GUCY1B1: variants seen among roughly 807,000 people sequenced by gnomAD.
The protein encoded by GUCY1B1 is guanylate cyclase soluble subunit beta-1.
In GUCY1B1, 43 loss-of-function variants were observed where a neutral mutation model predicts 71.0. The ratio of observed to expected loss-of-function variants is 0.61; its 90% CI spans 0.47 to 0.78. GUCY1B1 has a LOEUF of 0.78. GUCY1B1 is among the 30% of genes least tolerant of loss of function. GUCY1B1 has a pLI of 0.00. For synonymous variants in GUCY1B1, 266 were observed against 259.7 expected (o/e 1.02, Z -0.23); for missense variants, 535 against 754.1 (o/e 0.71, Z 3.40).
intron 13 of GUCY1B1, 88 bp from the exon 14 acceptor site, chr4:155,806,298 C>T: frequency 1.2e-6 from 1 of 826,028 alleles, no homozygotes; most frequent in South Asian, 1.6e-5. Context: ...GTGGATCACA[C>T]TCTCATAAAG....
At chr4:155,778,725 G>T (rs995032344) in intron 4 of GUCY1B1, among the ~76,000 whole-genome samples, 2 of 152,176 alleles carry the variant, frequency 1.3e-5, no homozygotes, top group African/African-American at 4.8e-5. Context: ...TAGCTGCCAA[G>T]AGATATTTAA....
chr4:155,759,121 C>A lies in GUCY1B1; in HGVS notation c.-20C>A. The A allele has an allele frequency of 1.9e-6, 3 of 1,591,430 alleles. No individual in the cohort carries two copies. The highest frequency in any genetic ancestry group is 2.3e-5 in the East Asian group (1 of 43,584). On this transcript the variant is annotated 5_prime_UTR_variant, in exon 1 of 14. Coordinates refer to ENST00000264424, the MANE Select transcript of GUCY1B1 (RefSeq NM_000857.5). ...TACCTCTGCGTGGGGGCTGCCTCCC[C>A]GGCTCCCGGTGCAGACACCATGGTA...
At chr4:155,759,595 T>G (rs1736816123) in intron 1 of GUCY1B1, 192 bp from the exon 2 acceptor site, 1 of 542,060 alleles carries the variant, frequency 1.8e-6, no homozygotes, top group South Asian at 2.5e-5. Context: ...ACGGGGAGAA[T>G]CCACCAGGGA....
intron 1 of GUCY1B1, chr4:155,759,407 C>A (rs1736794932): frequency 3.7e-6 from 2 of 542,338 alleles, no homozygotes; most frequent in Non-Finnish European, 6.5e-6. Context: ...AGGGGAGGTG[C>A]GGCGGAGGCG....
intron 4 of GUCY1B1, among the ~76,000 whole-genome samples, chr4:155,782,569 A>G (rs532483660): frequency 1.1e-4 from 16 of 152,222 alleles, no homozygotes; most frequent in African/African-American, 1.7e-4. Context: ...GGCACATTCT[A>G]TTTTCCCTAA....
chr4:155,766,663 T>C (rs1282103672), intron 2 of GUCY1B1, among the ~76,000 whole-genome samples: 1 of 152,156 alleles, frequency 6.6e-6, no homozygotes, highest in Non-Finnish European at 1.5e-5. Flanking sequence ...CATGTGGATG[T>C]ATTGGAAGGA....
At chr4:155,783,847 A>G (rs569169493) in intron 4 of GUCY1B1, among the ~76,000 whole-genome samples, 1 of 152,332 alleles carries the variant, frequency 6.6e-6, no homozygotes, top group Non-Finnish European at 1.5e-5. Context: ...GAATTTTAAA[A>G]AAGAGCTGTT....
chr4:155,796,316 T>C (rs1020773503), intron 7 of GUCY1B1, 61 bp from the exon 8 acceptor site: 1 of 1,484,836 alleles, frequency 6.7e-7, no homozygotes, highest in African/African-American at 1.4e-5. Context: ...CGTGTCCTTG[T>C]TGCTGAATTC....
Position 155,796,418 on chromosome 4 carries a change from A to T in GUCY1B1, c.885A>T (p.Glu295Asp). 1 of 1,612,798 alleles carries T rather than the reference A, an allele frequency of 6.2e-7. No homozygotes were observed. The highest frequency in any genetic ancestry group is 8.5e-7 in the Non-Finnish European group (1 of 1,178,884). ...LDVEKLECED[E>D]LTGTEISCLR... Reference sequence around the variant, plus strand: ...TGGAGAAATTAGAATGTGAGGATGAACTGACTGGGACTGAGATCAGCTGCT... The same window carrying T: ...TGGAGAAATTAGAATGTGAGGATGATCTGACTGGGACTGAGATCAGCTGCT... Residue 295 changes from glutamate (E) to aspartate (D), a missense_variant, in exon 8 of 14, where the codon GAA becomes GAT. By Grantham distance (45) the Glu-to-Asp change is conservative. Transcript: ENST00000264424.
intron 7 of GUCY1B1, among the ~76,000 whole-genome samples, chr4:155,795,840 C>G (rs1479152885): frequency 6.6e-6 from 1 of 151,664 alleles, no homozygotes; most frequent in Non-Finnish European, 1.5e-5. Context: ...GTCTATTGTT[C>G]TTAGTAGCGT....
At chr4:155,781,622 T>C (rs907411107) in intron 4 of GUCY1B1, among the ~76,000 whole-genome samples, 2 of 151,924 alleles carry the variant, frequency 1.3e-5, no homozygotes, top group African/African-American at 4.8e-5. Flanking sequence ...ATATTTAGGA[T>C]ATATTTACGA....
intron 3 of GUCY1B1, among the ~76,000 whole-genome samples, chr4:155,777,219 G>T (rs1477948589): frequency 6.6e-6 from 1 of 152,156 alleles, no homozygotes; most frequent in Non-Finnish European, 1.5e-5. Context: ...AAAGTTTCAG[G>T]TTCTTGAGTA....
rs552582383 is a variant in GUCY1B1 at position 155,778,331 on chromosome 4, A to G, written c.297+689A>G. ...ATGAGAGACTATTTCTGGATTGACT[A>G]TACTATTTTAAGCATTGACATTTGT... On this transcript the variant is annotated intron_variant, in intron 4 of 13. Coordinates refer to ENST00000264424, the MANE Select transcript of GUCY1B1 (RefSeq NM_000857.5). 3.3e-5 allele frequency among the ~76,000 whole-genome samples: 5 copies of G among 152,318 alleles called. No individual in the cohort carries two copies. In the South Asian group the frequency reaches 1.0e-3, roughly 32 times the overall value.
intron 13 of GUCY1B1, among the ~76,000 whole-genome samples, chr4:155,805,967 T>C (rs1396482571): frequency 1.3e-5 from 2 of 152,142 alleles, no homozygotes; most frequent in Non-Finnish European, 2.9e-5. Flanking sequence ...AGTTTGATAC[T>C]TTGTTACCCT....
intron 2 of GUCY1B1, among the ~76,000 whole-genome samples, chr4:155,774,510 T>G (rs1737908232): frequency 6.6e-6 from 1 of 152,200 alleles, no homozygotes; most frequent in South Asian, 2.1e-4. Context: ...ATATGTTATT[T>G]ATTAATTTTA....
chr4:155,762,512 C>T (rs1737067795), intron 2 of GUCY1B1, among the ~76,000 whole-genome samples: 1 of 151,900 alleles, frequency 6.6e-6, no homozygotes, highest in African/African-American at 2.4e-5. Context: ...CAAATAAAAC[C>T]CTAAGTAACA....
rs1740235329 is a variant in GUCY1B1, at chr4:155,805,200, T to C, written c.1807T>C (p.Phe603Leu). Residue 603 changes from phenylalanine to leucine, a missense_variant, in exon 13 of 14, where the codon TTT (phenylalanine) becomes CTT (leucine). By Grantham distance (22) the Phe-to-Leu change is conservative. Coordinates refer to ENST00000264424, the MANE Select transcript of GUCY1B1 (RefSeq NM_000857.5). ...KGKKEPMQVWFLSRKNTGTEE... is the reference protein window; with the variant it reads ...KGKKEPMQVWLLSRKNTGTEE... ...CAAAAAAGAACCAATGCAAGTTTGG[T>C]TTCTATCCAGAAAAAATACAGGAAC... 6.2e-7 allele frequency: 1 copy of C among 1,610,968 alleles called. No homozygotes were observed. The highest frequency in any genetic ancestry group is 8.5e-7 in the Non-Finnish European group (1 of 1,178,274).
intron 5 of GUCY1B1, among the ~76,000 whole-genome samples, chr4:155,790,740 G>T (rs1305998149): frequency 4.6e-5 from 7 of 152,164 alleles, no homozygotes; most frequent in Non-Finnish European, 5.9e-5. Context: ...CACTTGGGAG[G>T]TCTAAAACCC....
At position 155,803,551 on chromosome 4, in the gene GUCY1B1, T is replaced by G. The variant is rs939027428; in HGVS notation, c.1414-73T>G. On this transcript the variant is annotated intron_variant, in intron 10 of 13. Coordinates refer to ENST00000264424, the MANE Select transcript of GUCY1B1 (RefSeq NM_000857.5). ...TTGCTGGTAGACTTGAAAAAATATG[T>G]TTTTTGTTAGGGTAATAAATGAAAC... 22 of 1,083,870 alleles carry G rather than the reference T, an allele frequency of 2.0e-5. No individual in the cohort carries two copies. In the African/African-American group the frequency reaches 2.1e-4, roughly 10 times the overall value. The allele number at this position is 1,083,870 out of a possible 1,614,324, so 67.1% of individuals were successfully genotyped here. A position where few individuals can be genotyped will look rare whatever the true frequency, so the allele number is the denominator to read the frequency against.
Sources: allele counts gnomAD v4.1 joint callset (sites outside exome capture counted in the v4.1 genomes callset), GRCh38; gene constraint gnomAD v4.1.1; transcripts MANE v1.5; gene names NCBI Gene and HGNC (gene_info 2026-07-23, HGNC 2026-07-21).